The following CCDC18 variants were observed in gnomAD, a reference collection of about 807,000 sequenced individuals.
The protein encoded by CCDC18 is coiled-coil domain containing 18.
Under a neutral mutation model 196.0 loss-of-function variants are expected in CCDC18, and 157 were observed. The ratio of observed to expected loss-of-function variants is 0.80; its 90% CI spans 0.70 to 0.91. CCDC18 has a LOEUF of 0.91. CCDC18 is among the 40% of genes least tolerant of loss of function. The pLI is 0.00. For missense variants in CCDC18, 1,465 were observed against 1,611.6 expected (o/e 0.91, Z 1.56); for synonymous variants, 482 against 529.2 (o/e 0.91, Z 1.22).
At chr1:93,262,762 C>A (rs893854412) in intron 26 of CCDC18, among the ~76,000 whole-genome samples, 1 of 152,168 alleles carries the variant, frequency 6.6e-6, no homozygotes, top group Admixed American at 6.5e-5. Flanking sequence ...CTCCACTACC[C>A]AGTGCCCCGG....
At chr1:93,228,911 T>G (rs1462609109) in intron 17 of CCDC18, among the ~76,000 whole-genome samples, 2 of 151,984 alleles carry the variant, frequency 1.3e-5, no homozygotes, top group Non-Finnish European at 2.9e-5. Context: ...ACACACAAAA[T>G]AAATAGAACG....
intron 16 of CCDC18, among the ~76,000 whole-genome samples, chr1:93,224,990 G>C (rs1451235856): frequency 6.6e-6 from 1 of 152,154 alleles, no homozygotes; most frequent in Non-Finnish European, 1.5e-5. Context: ...TTCATATACA[G>C]ACTATAAGGG....
intron 16 of CCDC18, 35 bp downstream of exon 16, chr1:93,221,971 CTT>C (rs113139948): frequency 0.011 from 12,587 of 1,110,126 alleles, no homozygotes; most frequent in South Asian, 0.014. Context: ...TCTTTCTTTC[CTT>C]TTTTTTTTTT....
chr1:93,207,187 T>C lies in CCDC18; in HGVS notation c.998T>C (p.Leu333Pro). ...AAAAATTCAGAAGTCATGGCACAAC[T>C]AACTGAATCTAGACAAAGTATTTTG... is the stretch of plus-strand genomic sequence containing the variant. ...AVKNSEVMAQ[L>P]TESRQSILKL... Residue 333 changes from leucine (L) to proline (P), a missense_variant, in exon 9 of 29, where the codon CTA (leucine) becomes CCA (proline). Transcript: ENST00000690025. 6.2e-7 allele frequency: 1 copy of C among 1,610,034 alleles called. No homozygotes were observed. The highest frequency in any genetic ancestry group is 8.5e-7 in the Non-Finnish European group (1 of 1,176,544).
intron 26 of CCDC18, chr1:93,262,268 TCCCAACAGAAC>T (rs1663909642): frequency 6.6e-6 from 1 of 152,108 alleles, no homozygotes; most frequent in Admixed American, 6.5e-5. Context: ...AATCATGCCT[TCCCAACAGAAC>T]CCCAAAGTCT....
Position 93,214,950 on chromosome 1 carries a change from G to A in CCDC18, c.1703G>A (p.Ser568Asn), listed in dbSNP as rs374064722. 3.8e-6 allele frequency: 6 copies of A among 1,599,174 alleles called. No individual in the cohort carries two copies. Among genetic ancestry groups the A allele is most frequent in the Non-Finnish European group, 5.1e-6 (6 of 1,171,122 alleles). ...CTGCTAGAGAAAGCTTCAAACTCCA[G>A]CAAACTGGAAAGTGAAGTAAGCTTG... ...EELLEKASNSSKLESEMTKKC... is the reference protein window; with the variant it reads ...EELLEKASNSNKLESEMTKKC... The change falls in exon 12 of 29, where the codon AGC (serine) becomes AAC (asparagine). Residue 568 changes from serine (S) to asparagine (N), a missense_variant. By Grantham distance (46) the Ser-to-Asn change is conservative. Transcript: ENST00000690025.
At chr1:93,182,540 A>G (rs1027477837) in intron 1 of CCDC18, among the ~76,000 whole-genome samples, 3 of 152,226 alleles carry the variant, frequency 2.0e-5, no homozygotes, top group South Asian at 4.1e-4. Context: ...GCTCTGTAGT[A>G]GTGGAGATTA....
chr1:93,250,646 T>C (rs769189956), intron 23 of CCDC18, among the ~76,000 whole-genome samples: 1 of 152,220 alleles, frequency 6.6e-6, no homozygotes, highest in Non-Finnish European at 1.5e-5. Flanking sequence ...GAGCTTTATA[T>C]GCCTGGGTGC....
At chr1:93,248,871 G>A (rs1190465346) in intron 23 of CCDC18, among the ~76,000 whole-genome samples, 1 of 143,610 alleles carries the variant, frequency 7.0e-6, no homozygotes, top group Non-Finnish European at 1.5e-5. Context: ...TATTAAGGAG[G>A]CTGAGGTGGA....
intron 21 of CCDC18, among the ~76,000 whole-genome samples, chr1:93,240,259 TTACAACACACC>T (rs1335879489): frequency 6.6e-6 from 1 of 152,232 alleles, no homozygotes; most frequent in African/African-American, 2.4e-5. Context: ...ACTCATTTCC[TTACAACACACC>T]TATTAGAAAC....
At chr1:93,191,545 T>C (rs752462260) in intron 4 of CCDC18, among the ~76,000 whole-genome samples, 17 of 152,350 alleles carry the variant, frequency 1.1e-4, no homozygotes, top group Admixed American at 5.9e-4. Context: ...ATAGTAGTTG[T>C]ACTCTCTTTA....
At chr1:93,222,031 A>G (rs761258308) in intron 16 of CCDC18, 95 bp downstream of exon 16, 627 of 796,208 alleles carry the variant, frequency 7.9e-4, no homozygotes, top group Non-Finnish European at 1.1e-3. Flanking sequence ...GTGCAGTGGC[A>G]TGATGATAAC....
intron 17 of CCDC18, among the ~76,000 whole-genome samples, chr1:93,230,386 G>T (rs1399574811): frequency 6.6e-6 from 1 of 151,652 alleles, no homozygotes; most frequent in Non-Finnish European, 1.5e-5. Flanking sequence ...CAGCTACTTG[G>T]GAGGCTGAGG....
chr1:93,255,779 G>GAAGAGGAAT (rs1408142952), intron 24 of CCDC18, among the ~76,000 whole-genome samples: 1 of 148,188 alleles, frequency 6.7e-6, no homozygotes, highest in African/African-American at 2.5e-5. Flanking sequence ...GGAAGAGGAA[G>GAAGAGGAAT]AAGAGGAAGA....
Position 93,226,323 on chromosome 1 carries a change from T to A in CCDC18, c.2176-10T>A, listed in dbSNP as rs754961196. ...GTTTTTTTTTTTTTTTTGCTTTTTT[T>A]CCTGCTTAGGTTAGGCAACTAGATT... On this transcript the variant is annotated splice_polypyrimidine_tract_variant and intron_variant, in intron 16 of 28. Coordinates refer to ENST00000690025, the MANE Select transcript of CCDC18 (RefSeq NM_001378204.1). 5.8e-6 allele frequency: 7 copies of A among 1,208,174 alleles called. No individual in the cohort carries two copies. Among genetic ancestry groups the A allele is most frequent in the Middle Eastern group, 2.0e-4 (1 of 5,010 alleles). 74.8% of individuals were successfully genotyped at this position (1,208,174 alleles called of 1,614,324 possible). A position where few individuals can be genotyped will look rare whatever the true frequency, so the allele number is the denominator to read the frequency against.
rs775215721 is a variant in CCDC18 at position 93,186,506 on chromosome 1, A to T, written c.462+3A>T. ...AATTAACACAGTCAAGAGCAAAAGT[A>T]TGTATCTTGAAATAAGTTTGCCAAC... On this transcript the variant is annotated splice_donor_region_variant and intron_variant, in intron 4 of 28. Coordinates refer to ENST00000690025, the MANE Select transcript of CCDC18 (RefSeq NM_001378204.1). The T allele has an allele frequency of 5.1e-6, 8 of 1,578,906 alleles. No homozygotes were observed. Among genetic ancestry groups the T allele is most frequent in the Non-Finnish European group, 6.9e-6 (8 of 1,163,228 alleles).
chr1:93,246,171 G>A lies in CCDC18; in HGVS notation c.3048G>A (p.Glu1016=). 1 of 1,605,268 alleles carries A rather than the reference G, an allele frequency of 6.2e-7. No individual in the cohort carries two copies. The highest frequency in any genetic ancestry group is 1.7e-4 in the Middle Eastern group (1 of 6,046). The change falls in exon 22 of 29, where the codon GAG becomes GAA. Residue 1016 remains glutamate (E), a synonymous_variant. Coordinates refer to ENST00000690025, the MANE Select transcript of CCDC18 (RefSeq NM_001378204.1). The part of the protein sequence containing the change: ...ELLEMDQALK[E]RNWELKQRAA... ...TTGAAATGGATCAGGCACTTAAAGA[G>A]AGAAATTGGGAACTAAAGCAAAGAG...
chr1:93,272,186 A>C (rs1283925646), intron 28 of CCDC18, among the ~76,000 whole-genome samples: 1 of 152,218 alleles, frequency 6.6e-6, no homozygotes, highest in African/African-American at 2.4e-5. Flanking sequence ...TTGCTGGCTT[A>C]AGTATATGTC....
chr1:93,192,872 T>G (rs1005514395), intron 5 of CCDC18, among the ~76,000 whole-genome samples: 3 of 152,200 alleles, frequency 2.0e-5, no homozygotes, highest in African/African-American at 7.2e-5. Context: ...CCTGGGAACT[T>G]GTTAGAAATG....
Sources: allele counts gnomAD v4.1 joint callset (sites outside exome capture counted in the v4.1 genomes callset), GRCh38; gene constraint gnomAD v4.1.1; transcripts MANE v1.5; gene names NCBI Gene and HGNC (gene_info 2026-07-23, HGNC 2026-07-21).